Variants in TENM1 observed in about 807,000 individuals in gnomAD.
The protein encoded by TENM1 is teneurin-1.
A neutral mutation model predicts 174.8 loss-of-function variants in TENM1; 35 were observed. The observed-to-expected ratio is 0.20, with a 90% confidence interval of 0.15 to 0.27. TENM1 has a LOEUF of 0.27. TENM1 is among the 10% of genes least tolerant of loss of function. TENM1 has a pLI of 1.00. For missense variants in TENM1, 1,633 were observed against 2,130.1 expected, an observed-to-expected ratio of 0.77 and a Z score of 4.59; for synonymous variants, 781 against 798.7, an observed-to-expected ratio of 0.98 and a Z score of 0.37.
chrX:125,187,529 A>G, the TENM1 span, among the ~76,000 whole-genome samples: 1 of 111,842 alleles, frequency 8.9e-6, no homozygotes, highest in Admixed American at 9.5e-5. Context: ...TCAAGGATTT[A>G]TTTATGTGAT....
intron 3 of TENM1, among the ~76,000 whole-genome samples, chrX:124,794,938 TG>T (rs2055270816): frequency 9.0e-6 from 1 of 111,454 alleles, no homozygotes; most frequent in Non-Finnish European, 1.9e-5. Context: ...ATCCATTGAA[TG>T]ATTGATTTTC....
At chrX:124,552,661 T>C (rs146777199) in intron 14 of TENM1, among the ~76,000 whole-genome samples, 166 of 112,119 alleles carry the variant, frequency 1.5e-3, no homozygotes, top group African/African-American at 5.0e-3. Flanking sequence ...CAATGACTTA[T>C]TACCTCACAG....
chrX:124,881,890 G>A (rs1431184074), intron 3 of TENM1, among the ~76,000 whole-genome samples: 4 of 110,644 alleles, frequency 3.6e-5, no homozygotes, highest in East Asian at 2.8e-4. Context: ...CACCATGCCC[G>A]GCTAATTTTT....
chrX:124,951,658 AT>A (rs1319062680), intron 1 of TENM1, among the ~76,000 whole-genome samples: 7 of 56,663 alleles, frequency 1.2e-4, no homozygotes, highest in East Asian at 1.3e-3. Context: ...ATATATATAT[AT>A]ATATATATAT....
At chrX:125,043,120 C>T in the TENM1 span, among the ~76,000 whole-genome samples, 12,297 of 102,220 alleles carry the variant, frequency 0.12, 723 homozygotes, top group Non-Finnish European at 0.16. Flanking sequence ...ACTTCATGTC[C>T]AAAACACCAA....
At chrX:124,773,425 A>G (rs1229239921) in intron 3 of TENM1, among the ~76,000 whole-genome samples, 3 of 101,140 alleles carry the variant, frequency 3.0e-5, no homozygotes, top group Non-Finnish European at 4.0e-5. Flanking sequence ...TTAGCCTACA[A>G]AAAAAAAAAA....
the TENM1 span, among the ~76,000 whole-genome samples, chrX:125,102,419 A>G: frequency 4.5e-5 from 5 of 110,871 alleles, no homozygotes; most frequent in Non-Finnish European, 9.4e-5. Context: ...CCCAACCATA[A>G]TAACAATTTA....
chrX:124,854,101 A>G (rs1356840691), intron 3 of TENM1, among the ~76,000 whole-genome samples: 1 of 111,014 alleles, frequency 9.0e-6, no homozygotes, highest in African/African-American at 3.3e-5. Flanking sequence ...GGCAATGATT[A>G]TTGGCCAGAG....
intron 19 of TENM1, among the ~76,000 whole-genome samples, chrX:124,499,769 T>G (rs2047285391): frequency 8.9e-6 from 1 of 111,931 alleles, no homozygotes; most frequent in Admixed American, 9.5e-5. Context: ...TCCCGATGAT[T>G]GCTAACAGAA....
At chrX:124,462,173 T>C (rs112976987) in intron 22 of TENM1, among the ~76,000 whole-genome samples, 10,310 of 109,729 alleles carry the variant, frequency 0.094, 532 homozygotes, top group African/African-American at 0.18. Flanking sequence ...CTTCTAGGCC[T>C]GATCCTTAAG....
chrX:124,445,735 C>G (rs1049342774), intron 23 of TENM1, among the ~76,000 whole-genome samples: 2 of 112,320 alleles, frequency 1.8e-5, no homozygotes, highest in African/African-American at 6.5e-5. Context: ...TCCTATTGGG[C>G]TGACTTTGGG....
chrX:124,812,442 A>G (rs2055802329), intron 3 of TENM1, among the ~76,000 whole-genome samples: 1 of 111,758 alleles, frequency 8.9e-6, no homozygotes. Flanking sequence ...TTACATTCCT[A>G]TAGATCCATG....
At chrX:124,662,123 G>A (rs1394579139) in intron 6 of TENM1, among the ~76,000 whole-genome samples, 5 of 110,283 alleles carry the variant, frequency 4.5e-5, no homozygotes, top group Non-Finnish European at 9.5e-5. Context: ...ACTCATACTC[G>A]GTGTCTCCCT....
chrX:124,583,146 T>G (rs1046590212), intron 11 of TENM1, among the ~76,000 whole-genome samples: 1 of 111,325 alleles, frequency 9.0e-6, no homozygotes, highest in East Asian at 2.9e-4. Flanking sequence ...CTCTGCAGAC[T>G]TAAATGTCCC....
the TENM1 span, among the ~76,000 whole-genome samples, chrX:125,051,623 G>A: frequency 3.8e-5 from 4 of 106,311 alleles, no homozygotes; most frequent in East Asian, 8.9e-4. Flanking sequence ...AATGGTGCTG[G>A]GAAAACTGGC....
chrX:124,736,895 A>G, intron 4 of TENM1, 62 bp downstream of exon 7: 1 of 1,136,778 alleles, frequency 8.8e-7, no homozygotes, highest in Non-Finnish European at 1.2e-6. Flanking sequence ...GAGTTTCTGC[A>G]ATCAGTAGAA....
intron 1 of TENM1, among the ~76,000 whole-genome samples, chrX:124,913,978 GTAT>G (rs1321972572): frequency 8.9e-6 from 1 of 111,835 alleles, no homozygotes; most frequent in African/African-American, 3.2e-5. Context: ...CCTGAGGCAT[GTAT>G]TATTATCTTG....
chrX:124,895,525 G>A (rs1169771457), intron 2 of TENM1, among the ~76,000 whole-genome samples: 11 of 111,608 alleles, frequency 9.9e-5, no homozygotes, highest in Non-Finnish European at 1.7e-4. Flanking sequence ...GTTAATTTGC[G>A]TTTGTACATT....
intron 22 of TENM1, among the ~76,000 whole-genome samples, chrX:124,481,233 A>G (rs2046835384): frequency 8.9e-6 from 1 of 112,099 alleles, no homozygotes; most frequent in African/African-American, 3.2e-5. Flanking sequence ...TAATTTTGTT[A>G]AGCAAAAGTC....
Sources: allele counts gnomAD v4.1 joint callset (sites outside exome capture counted in the v4.1 genomes callset), GRCh38; gene constraint gnomAD v4.1.1; transcripts MANE v1.5; gene names NCBI Gene and HGNC (gene_info 2026-07-23, HGNC 2026-07-21).